NOS2: variants seen among roughly 807,000 people sequenced by gnomAD.
The protein encoded by NOS2 is nitric oxide synthase 2.
In NOS2, 96 loss-of-function variants were observed where a neutral mutation model predicts 136.0. That is an observed-to-expected ratio of 0.71 (90% CI 0.60 to 0.84). NOS2 has a LOEUF of 0.84. Among genes scored for constraint, NOS2 ranks in the 40% least tolerant of loss-of-function variants. NOS2 has a pLI of 0.00. For missense variants in NOS2, 1,237 were observed against 1,496.9 expected (o/e 0.83, Z 2.87); for synonymous variants, 539 against 587.5 (o/e 0.92, Z 1.20).
chr17:27,779,153 G>T, intron 9 of NOS2, 97 bp from the exon 10 acceptor site: 1 of 958,348 alleles, frequency 1.0e-6, no homozygotes, highest in Non-Finnish European at 1.4e-6. Flanking sequence ...TGTTGCTCAT[G>T]CTGGAGTGCA....
At chr17:27,784,518 C>T (rs918087835) in intron 5 of NOS2, among the ~76,000 whole-genome samples, 1 of 152,180 alleles carries the variant, frequency 6.6e-6, no homozygotes, top group Middle Eastern at 3.2e-3. Flanking sequence ...ACCATAACAC[C>T]CACACCACCA....
At position 27,798,773 on chromosome 17, in the gene NOS2, A is replaced by G; in HGVS notation, c.37T>C (p.Phe13Leu). Residue 13 changes from phenylalanine to leucine, a missense_variant, in exon 2 of 27, where the codon TTC becomes CTC. Around this residue, in one of 3 missense-constraint regions of NOS2, gnomAD observed 440 missense variants for 545.4 expected, o/e 0.81. Transcript: ENST00000313735. ...TCCCCATTCATTGCATACTGGTGGAATTTGGTCTTGAACAGAAATTTCCAA... is the reference window on the plus strand; with the variant it reads ...TCCCCATTCATTGCATACTGGTGGAGTTTGGTCTTGAACAGAAATTTCCAA... ...CPWKFLFKTK[F>L]HQYAMNGEKD... 1 of 1,614,020 alleles carries G rather than the reference A, an allele frequency of 6.2e-7. No individual in the cohort carries two copies.
At chr17:27,788,130 T>C (rs981619797) in intron 4 of NOS2, among the ~76,000 whole-genome samples, 1 of 152,068 alleles carries the variant, frequency 6.6e-6, no homozygotes, top group African/African-American at 2.4e-5. Context: ...ATATGGCTCC[T>C]ATGGGAACAT....
At chr17:27,764,271 G>A (rs1436160031) in intron 20 of NOS2, 127 bp from the exon 21 acceptor site, 7 of 536,642 alleles carry the variant, frequency 1.3e-5, no homozygotes, top group Admixed American at 3.9e-5. Context: ...CTAAAGACCT[G>A]GCTCTAAGAG....
At position 27,760,141 on chromosome 17, in the gene NOS2, G is replaced by A; in HGVS notation, c.3048C>T (p.Cys1016=). The A allele has an allele frequency of 6.2e-7, 1 of 1,601,600 alleles. No individual in the cohort carries two copies. Among genetic ancestry groups the A allele is most frequent in the South Asian group, 1.1e-5 (1 of 89,566 alleles). ...RGGRMTLVFG[C]RRPDEDHIYQ... ...AGATGTGGTCCTCATCTGGGCGGCGGCACCCAAACACCAAGGTCATGCGGC... is the reference window on the plus strand; with the variant it reads ...AGATGTGGTCCTCATCTGGGCGGCGACACCCAAACACCAAGGTCATGCGGC... The change falls in exon 25 of 27, where the codon TGC becomes TGT. Residue 1016 remains cysteine, a synonymous_variant. Coordinates refer to ENST00000313735, the MANE Select transcript of NOS2 (RefSeq NM_000625.4).
Position 27,760,072 on chromosome 17 carries a change from A to G in NOS2, c.3117T>C (p.His1039=). 1 of 1,597,450 alleles carries G rather than the reference A, an allele frequency of 6.3e-7. No individual in the cohort carries two copies. Among genetic ancestry groups the G allele is most frequent in the Non-Finnish European group, 8.5e-7 (1 of 1,172,880 alleles). The change falls in exon 25 of 27, where the codon CAT becomes CAC. Residue 1039 remains histidine, a synonymous_variant. Transcript: ENST00000313735. ...GGCGGGAATAGGCTGTGTGCACCGC[A>G]TGCAGCACCCCCTTCTGGGCCATCT... is the stretch of plus-strand genomic sequence containing the variant. ...MLEMAQKGVL[H]AVHTAYSRLP...
intron 10 of NOS2, 37 bp downstream of exon 10, chr17:27,778,845 C>T (rs2151330766): frequency 1.2e-6 from 2 of 1,612,512 alleles, no homozygotes; most frequent in Non-Finnish European, 1.7e-6. Context: ...CCCCCAGGCC[C>T]ACACCTTCAT....
rs1392331360 is a variant in NOS2 at position 27,778,969 on chromosome 17, G to A, written c.1092C>T (p.Phe364=). Residue 364 remains phenylalanine (F), a synonymous_variant, in exon 10 of 27, where the codon TTC becomes TTT. Coordinates refer to ENST00000313735, the MANE Select transcript of NOS2 (RefSeq NM_000625.4). ...NMLLEVGGLE[F]PGCPFNGWYM... Reference sequence around the variant, plus strand: ...ACCAGCCATTGAAGGGGCACCCTGGGAACTCCAGGCCGCCCACCTCAAGCA... The same window carrying A: ...ACCAGCCATTGAAGGGGCACCCTGGAAACTCCAGGCCGCCCACCTCAAGCA... 1.9e-6 allele frequency: 3 copies of A among 1,612,858 alleles called. No individual in the cohort carries two copies. The highest frequency in any genetic ancestry group is 2.5e-6 in the Non-Finnish European group (3 of 1,179,206).
At chr17:27,776,501 T>C (rs1003481521) in intron 11 of NOS2, among the ~76,000 whole-genome samples, 4 of 151,856 alleles carry the variant, frequency 2.6e-5, no homozygotes, top group African/African-American at 9.7e-5. Flanking sequence ...GGTGAAACCC[T>C]ATCTCTACTA....
intron 11 of NOS2, among the ~76,000 whole-genome samples, chr17:27,777,698 C>A (rs920774208): frequency 1.3e-5 from 2 of 152,186 alleles, no homozygotes; most frequent in Non-Finnish European, 2.9e-5. Context: ...AGCAAACAGA[C>A]AGACAAGGTC....
chr17:27,781,404 C>A (rs1452275948), intron 7 of NOS2, among the ~76,000 whole-genome samples: 1 of 152,226 alleles, frequency 6.6e-6, no homozygotes, highest in East Asian at 1.9e-4. Context: ...GCTGATCTGC[C>A]AGTCTTTCCC....
chr17:27,777,682 T>C (rs916193410), intron 11 of NOS2, among the ~76,000 whole-genome samples: 3 of 152,074 alleles, frequency 2.0e-5, no homozygotes, highest in Non-Finnish European at 4.4e-5. Flanking sequence ...AGGCCAGAGG[T>C]GCAGCAGCAA....
intron 21 of NOS2, 97 bp downstream of exon 21, chr17:27,763,884 G>A: frequency 1.8e-5 from 18 of 978,026 alleles, no homozygotes; most frequent in Non-Finnish European, 2.7e-5. Flanking sequence ...AACCTGGTGT[G>A]GATCCCTCTT....
intron 2 of NOS2, among the ~76,000 whole-genome samples, chr17:27,792,557 C>T (rs954187443): frequency 6.6e-6 from 1 of 152,174 alleles, no homozygotes; most frequent in Admixed American, 6.5e-5. Context: ...CAGGTGAGCA[C>T]CTTCAGAATC....
chr17:27,757,676 A>T (rs369746641), intron 26 of NOS2, among the ~76,000 whole-genome samples: 1 of 152,178 alleles, frequency 6.6e-6, no homozygotes. Context: ...TCCAGCCTTG[A>T]AGGGTCCTGA....
At chr17:27,781,245 C>T in intron 7 of NOS2, 68 bp from the exon 8 acceptor site, 1 of 1,511,490 alleles carries the variant, frequency 6.6e-7, no homozygotes, top group Non-Finnish European at 8.9e-7. Flanking sequence ...CCTGCACTGG[C>T]CCTACCTCCC....
chr17:27,760,508 C>T, intron 24 of NOS2, 115 bp downstream of exon 24: 1 of 1,417,054 alleles, frequency 7.1e-7, no homozygotes, highest in African/African-American at 1.4e-5. Context: ...GGGAAGCAAA[C>T]TTGGGAGGCC....
rs1908182710 is a variant in NOS2, at chr17:27,762,962, A to T, written c.2636T>A (p.Phe879Tyr). 1 of 1,606,086 alleles carries T rather than the reference A, an allele frequency of 6.2e-7. No individual in the cohort carries two copies. The highest frequency in any genetic ancestry group is 8.5e-7 in the Non-Finnish European group (1 of 1,177,042). ...SKWKFTNSPT[F>Y]LEVLEEFPSL... is the part of the protein sequence containing the mutation. ...CGGGAACTCCTCTAGCACCTCCAGG[A>T]ATGTGGGGCTGTTGGTGAACTTCCA... is the stretch of plus-strand genomic sequence containing the variant. Residue 879 changes from phenylalanine to tyrosine, a missense_variant, in exon 22 of 27, where the codon TTC becomes TAC. Physicochemically the swap from Phe to Tyr is conservative, Grantham distance 22. Transcript: ENST00000313735.
In NOS2 at chr17:27,778,752, C is replaced by T. The variant is rs146382524; in HGVS notation, c.1219G>A (p.Ala407Thr). Residue 407 changes from alanine (A) to threonine (T), a missense_variant, in exon 11 of 27, where the codon GCC becomes ACC. Physicochemically the swap from Ala to Thr is moderately conservative, Grantham distance 58. Transcript: ENST00000313735. ...ACAGCCTGGTCTTTCCAGAGCGAGG[C>T]CAGCTTGTGCGTTTCCAGGCCCATT... ...RRMGLETHKL[A>T]SLWKDQAVVE... is the part of the protein sequence containing the mutation. 1.2e-4 allele frequency: 199 copies of T among 1,614,084 alleles called. No individual in the cohort carries two copies. Among genetic ancestry groups the T allele is most frequent in the Non-Finnish European group, 1.6e-4 (193 of 1,180,046 alleles).
Sources: gnomAD v4.1 joint callset for allele counts (sites outside exome capture counted in the v4.1 genomes callset) on GRCh38, gnomAD v4.1.1 for gene constraint, gnomAD v4.1.1 regional missense constraint, MANE v1.5 for transcripts, NCBI Gene and HGNC (gene_info 2026-07-23, HGNC 2026-07-21) for gene names.